NDC1: variants seen among roughly 807,000 people sequenced by gnomAD.
NDC1 encodes the protein NDC1 transmembrane nucleoporin.
NDC1 carries 24 observed loss-of-function variants against 89.8 expected under a neutral mutation model. The observed-to-expected ratio is 0.27, with a 90% CI of 0.19 to 0.38. The LOEUF is 0.38. NDC1 is among the 10% of genes least tolerant of loss of function. The pLI is 1.00. For missense variants in NDC1, 728 were observed against 797.6 expected (o/e 0.91, Z 1.05); for synonymous variants, 296 against 284.8 (o/e 1.04, Z -0.39).
At chr1:53,818,517 T>G (rs1038144853) in intron 6 of NDC1, among the ~76,000 whole-genome samples, 1 of 152,172 alleles carries the variant, frequency 6.6e-6, no homozygotes, top group African/African-American at 2.4e-5. Context: ...GTGCAACAGA[T>G]TTCTAGAACT....
Position 53,806,500 on chromosome 1 carries a change from A to G in NDC1, c.909T>C (p.Val303=), listed in dbSNP as rs1007896858. 2 of 1,520,728 alleles carry G rather than the reference A, an allele frequency of 1.3e-6. No homozygotes were observed. The highest frequency in any genetic ancestry group is 2.7e-5 in the South Asian group (2 of 73,748). The allele number at this position is 1,520,728 out of a possible 1,614,324, so 94.2% of individuals were successfully genotyped here. A position where few individuals can be genotyped will look rare whatever the true frequency, so the allele number is the denominator to read the frequency against. The change falls in exon 9 of 18, where the codon GTT becomes GTC. Residue 303 remains valine, a synonymous_variant. Transcript: ENST00000371429. ...IYATEAHVFP[V]QPPFAEGSDE... is the part of the protein sequence containing the mutation. ...CTGACCCTTCTGCAAATGGTGGTTGAACAGGAAACACATGAGCCTATCAAA... is the reference window on the plus strand; with the variant it reads ...CTGACCCTTCTGCAAATGGTGGTTGGACAGGAAACACATGAGCCTATCAAA...
chr1:53,785,749 A>G (rs2100636049), intron 16 of NDC1, among the ~76,000 whole-genome samples: 1 of 151,718 alleles, frequency 6.6e-6, no homozygotes, highest in Middle Eastern at 3.4e-3. Context: ...ATTTTTTAAA[A>G]CTTTTTTGTA....
At position 53,803,790 on chromosome 1, in the gene NDC1, C is replaced by A. The variant is rs571540531; in HGVS notation, c.1066+138G>T. Reference sequence around the variant, plus strand: ...GTTTCACCGTGTTAGCCAGGATGGTCTTGATCTCCTGACCTCATGATCCGC... The same window carrying A: ...GTTTCACCGTGTTAGCCAGGATGGTATTGATCTCCTGACCTCATGATCCGC... On this transcript the variant is annotated intron_variant, in intron 10 of 17. Transcript: ENST00000371429. 69 of 650,752 alleles carry A rather than the reference C, an allele frequency of 1.1e-4. No individual in the cohort carries two copies. In the South Asian group the frequency reaches 1.2e-3, roughly 11 times the overall value. The allele number at this position is 650,752 out of a possible 1,614,324, so 40.3% of individuals were successfully genotyped here.
At chr1:53,823,477 T>C (rs1387355680) in intron 5 of NDC1, among the ~76,000 whole-genome samples, 1 of 152,222 alleles carries the variant, frequency 6.6e-6, no homozygotes, top group Non-Finnish European at 1.5e-5. Context: ...ATTTTTACAG[T>C]ACATGGTAGA....
At chr1:53,788,248 C>T (rs942660959) in intron 15 of NDC1, among the ~76,000 whole-genome samples, 7 of 151,878 alleles carry the variant, frequency 4.6e-5, no homozygotes, top group African/African-American at 1.7e-4. Context: ...GAGCTATGAT[C>T]ATGCCATTGA....
At chr1:53,791,631 A>G (rs1299912713) in intron 14 of NDC1, among the ~76,000 whole-genome samples, 1 of 152,212 alleles carries the variant, frequency 6.6e-6, no homozygotes, top group African/African-American at 2.4e-5. Context: ...CTATTAAGTT[A>G]CATTTTTTAA....
intron 13 of NDC1, among the ~76,000 whole-genome samples, chr1:53,795,130 C>T (rs1416596345): frequency 6.6e-6 from 1 of 152,126 alleles, no homozygotes; most frequent in African/African-American, 2.4e-5. Flanking sequence ...TGCTACCCAT[C>T]AGCAGCATCT....
intron 6 of NDC1, among the ~76,000 whole-genome samples, chr1:53,817,570 C>A (rs537126728): frequency 2.0e-5 from 3 of 152,202 alleles, no homozygotes; most frequent in Non-Finnish European, 2.9e-5. Context: ...CTAAATCTCA[C>A]AAATTACCAC....
chr1:53,770,005 T>A (rs752080367), intron 17 of NDC1, among the ~76,000 whole-genome samples: 22 of 152,302 alleles, frequency 1.4e-4, no homozygotes, highest in Non-Finnish European at 5.9e-5. Flanking sequence ...TAGCTAATGA[T>A]GCAAGCAGAC....
chr1:53,825,973 A>G (rs775302121), intron 4 of NDC1, 37 bp from the exon 5 acceptor site: 7 of 1,602,916 alleles, frequency 4.4e-6, no homozygotes, highest in African/African-American at 1.3e-5. Context: ...TTCAACAGTC[A>G]GGGACATGTA....
At chr1:53,824,184 T>C (rs2100686007) in intron 5 of NDC1, among the ~76,000 whole-genome samples, 1 of 147,866 alleles carries the variant, frequency 6.8e-6, no homozygotes, top group East Asian at 2.0e-4. Context: ...CAGTGAGCGA[T>C]GATCGTGCTA....
At position 53,821,138 on chromosome 1, in the gene NDC1, C is replaced by T. The variant is rs141015697; in HGVS notation, c.595-2059G>A. ...GAATGGAGATGCCTACAGTATCTTA[C>T]AAAAAGCAGCCCAGGCCAGGTGCAG... On this transcript the variant is annotated intron_variant, in intron 5 of 17. Transcript: ENST00000371429. 3.0e-3 allele frequency among the ~76,000 whole-genome samples: 458 copies of T among 152,070 alleles called. 8 individuals are homozygous for T. The highest frequency in any genetic ancestry group is 0.022 in the East Asian group (112 of 5,138).
At chr1:53,785,446 T>C (rs1346675222) in intron 16 of NDC1, among the ~76,000 whole-genome samples, 1 of 152,146 alleles carries the variant, frequency 6.6e-6, no homozygotes, top group African/African-American at 2.4e-5. Context: ...TCAAGTAACA[T>C]ACATGAGAAG....
At chr1:53,822,414 A>G (rs1432820918) in intron 5 of NDC1, among the ~76,000 whole-genome samples, 1 of 152,198 alleles carries the variant, frequency 6.6e-6, no homozygotes, top group Non-Finnish European at 1.5e-5. Flanking sequence ...CCACTTATAT[A>G]AACCCCACTT....
At chr1:53,787,574 G>A (rs532066105) in intron 15 of NDC1, among the ~76,000 whole-genome samples, 1 of 152,010 alleles carries the variant, frequency 6.6e-6, no homozygotes, top group Admixed American at 6.6e-5. Flanking sequence ...AGGAGGCAGA[G>A]GTTGAAGTTA....
At chr1:53,833,819 A>T (rs1259255109) in intron 2 of NDC1, among the ~76,000 whole-genome samples, 1 of 151,870 alleles carries the variant, frequency 6.6e-6, no homozygotes, top group Non-Finnish European at 1.5e-5. Context: ...AGTACAATTC[A>T]TTGACCTAAA....
intron 16 of NDC1, among the ~76,000 whole-genome samples, chr1:53,777,455 G>C (rs1259981433): frequency 6.6e-6 from 1 of 152,056 alleles, no homozygotes; most frequent in Non-Finnish European, 1.5e-5. Context: ...CAAAAAATTA[G>C]GTCCAACACA....
intron 6 of NDC1, among the ~76,000 whole-genome samples, chr1:53,817,199 T>C (rs1481916236): frequency 6.6e-6 from 1 of 152,194 alleles, no homozygotes; most frequent in Non-Finnish European, 1.5e-5. Flanking sequence ...CACATATGTA[T>C]AGCAGCACAA....
chr1:53,837,158 G>A (rs1056623194), intron 1 of NDC1, among the ~76,000 whole-genome samples: 2 of 152,162 alleles, frequency 1.3e-5, no homozygotes, highest in South Asian at 4.1e-4. Context: ...CACCAGGCAC[G>A]ATGGCATGCA....
Sources: gnomAD v4.1 joint callset for allele counts (sites outside exome capture counted in the v4.1 genomes callset) on GRCh38, gnomAD v4.1.1 for gene constraint, MANE v1.5 for transcripts, NCBI Gene and HGNC (gene_info 2026-07-23, HGNC 2026-07-21) for gene names.